The following ABTB3 variants were observed in gnomAD, a reference collection of about 807,000 sequenced individuals.
The protein encoded by ABTB3 is ankyrin repeat- and BTB/POZ domain-containing protein 3.
At chr12:107,458,277 TG>T in the ABTB3 span, among the ~76,000 whole-genome samples, 1 of 152,188 alleles carries the variant, frequency 6.6e-6, no homozygotes, top group Non-Finnish European at 1.5e-5. Flanking sequence ...AGTTTTATTG[TG>T]ATTTGACAGG....
At chr12:107,404,178 A>AAAAAAAAAAAG in the ABTB3 span, among the ~76,000 whole-genome samples, 1 of 149,764 alleles carries the variant, frequency 6.7e-6, no homozygotes, top group African/African-American at 2.5e-5. Context: ...AAAAAAAAAA[A>AAAAAAAAAAAG]AAAAAAAAAG....
At chr12:107,404,586 G>C in the ABTB3 span, among the ~76,000 whole-genome samples, 1 of 152,198 alleles carries the variant, frequency 6.6e-6, no homozygotes, top group African/African-American at 2.4e-5. Context: ...CCAAAAGATG[G>C]AGTATCTGCG....
the ABTB3 span, among the ~76,000 whole-genome samples, chr12:107,342,722 T>C: frequency 6.6e-6 from 1 of 152,164 alleles, no homozygotes; most frequent in Non-Finnish European, 1.5e-5. Context: ...TCATTCCTAA[T>C]TCCAAGCTTC....
the ABTB3 span, among the ~76,000 whole-genome samples, chr12:107,428,501 C>T: frequency 3.3e-5 from 5 of 152,174 alleles, no homozygotes; most frequent in Non-Finnish European, 7.4e-5. Context: ...AATAAACATC[C>T]CAGCATCCGC....
chr12:107,363,586 G>A, the ABTB3 span, among the ~76,000 whole-genome samples: 21 of 152,106 alleles, frequency 1.4e-4, no homozygotes, highest in Non-Finnish European at 1.9e-4. Context: ...TTCTTTAAGC[G>A]GTTTTCCATT....
the ABTB3 span, among the ~76,000 whole-genome samples, chr12:107,515,321 T>C: frequency 1.3e-5 from 2 of 152,214 alleles, no homozygotes; most frequent in African/African-American, 4.8e-5. Flanking sequence ...TGAGAATATG[T>C]GAGTCATCTG....
the ABTB3 span, among the ~76,000 whole-genome samples, chr12:107,584,258 G>C: frequency 1.3e-5 from 2 of 152,318 alleles, no homozygotes; most frequent in South Asian, 4.1e-4. Flanking sequence ...GACCCACCCT[G>C]TTCCTTACAC....
chr12:107,637,005 G>C, the ABTB3 span, among the ~76,000 whole-genome samples: 1 of 152,226 alleles, frequency 6.6e-6, no homozygotes, highest in Non-Finnish European at 1.5e-5. Context: ...AGACGTGGTG[G>C]CTCACGCCTG....
the ABTB3 span, among the ~76,000 whole-genome samples, chr12:107,608,947 A>AAAATAAAAT: frequency 1.5e-4 from 13 of 84,702 alleles, no homozygotes; most frequent in East Asian, 3.2e-3. Context: ...TAAAATAAAT[A>AAAATAAAAT]AAATAAAATA....
the ABTB3 span, among the ~76,000 whole-genome samples, chr12:107,478,223 T>C: frequency 2.0e-5 from 3 of 152,236 alleles, no homozygotes; most frequent in Non-Finnish European, 4.4e-5. Flanking sequence ...GCTGAAACTA[T>C]ATGCAGTTAT....
At chr12:107,615,212 C>T in the ABTB3 span, 2 of 1,425,272 alleles carry the variant, frequency 1.4e-6, no homozygotes, top group Non-Finnish European at 9.9e-7. Flanking sequence ...TTACCTCTTC[C>T]ATAACACACA....
At chr12:107,609,952 C>T in the ABTB3 span, 1 of 527,186 alleles carries the variant, frequency 1.9e-6, no homozygotes, top group Non-Finnish European at 3.4e-6. Context: ...ACGTATTAGT[C>T]GTTATGTGAC....
the ABTB3 span, among the ~76,000 whole-genome samples, chr12:107,559,944 A>G: frequency 6.6e-6 from 1 of 152,174 alleles, no homozygotes; most frequent in African/African-American, 2.4e-5. Flanking sequence ...AATTATTTAT[A>G]ATTCTGCTAC....
the ABTB3 span, among the ~76,000 whole-genome samples, chr12:107,346,870 G>C: frequency 2.0e-5 from 3 of 152,208 alleles, no homozygotes; most frequent in African/African-American, 7.2e-5. Flanking sequence ...AGAGGCCAAA[G>C]TATCACATCT....
the ABTB3 span, among the ~76,000 whole-genome samples, chr12:107,572,481 C>T: frequency 6.6e-6 from 1 of 152,128 alleles, no homozygotes; most frequent in Non-Finnish European, 1.5e-5. Flanking sequence ...CCGGGAATAT[C>T]CATTTTCACC....
At chr12:107,564,286 A>C in the ABTB3 span, among the ~76,000 whole-genome samples, 1 of 152,128 alleles carries the variant, frequency 6.6e-6, no homozygotes, top group Non-Finnish European at 1.5e-5. Context: ...AGTCTTTAAG[A>C]CTTCCCATCC....
At chr12:107,651,824 A>G in the ABTB3 span, 1 of 1,558,358 alleles carries the variant, frequency 6.4e-7, no homozygotes, top group African/African-American at 1.4e-5. Flanking sequence ...CGCACACAGG[A>G]GCGCTGAAGC....
chr12:107,653,297 A>G, the ABTB3 span, among the ~76,000 whole-genome samples: 263 of 152,262 alleles, frequency 1.7e-3, no homozygotes, highest in African/African-American at 6.0e-3. Context: ...CAGGTGGATC[A>G]CGAGGTCAGG....
At chr12:107,530,567 T>C in the ABTB3 span, among the ~76,000 whole-genome samples, 1 of 152,242 alleles carries the variant, frequency 6.6e-6, no homozygotes, top group Non-Finnish European at 1.5e-5. Flanking sequence ...TACATAGTTT[T>C]TAATAACATA....
Sources: allele counts gnomAD v4.1 joint callset (sites outside exome capture counted in the v4.1 genomes callset), GRCh38; gene constraint gnomAD v4.1.1; transcripts MANE v1.5; gene names NCBI Gene and HGNC (gene_info 2026-07-23, HGNC 2026-07-21).